Variants in IQSEC1 observed in about 807,000 individuals in gnomAD.
IQSEC1 encodes the protein IQ motif and SEC7 domain-containing protein 1.
Under a neutral mutation model 91.0 loss-of-function variants are expected in IQSEC1, and 31 were observed. The ratio of observed to expected loss-of-function variants is 0.34; its 90% confidence interval spans 0.26 to 0.46. The LOEUF is 0.46. IQSEC1 is among the 20% of genes least tolerant of loss of function. The probability of loss-of-function intolerance (pLI) is 1.00; values close to 1 mark genes in which losing one functional copy is unlikely to be tolerated. For missense variants in IQSEC1, 1,388 were observed against 1,575.6 expected, an observed-to-expected ratio of 0.88 and a Z score of 2.02; for synonymous variants, 699 against 662.6, an observed-to-expected ratio of 1.05 and a Z score of -0.84.
At chr3:13,233,171 A>G (rs1322173368) in intron 1 of IQSEC1, among the ~76,000 whole-genome samples, 1 of 152,234 alleles carries the variant, frequency 6.6e-6, no homozygotes, top group African/African-American at 2.4e-5. Flanking sequence ...GTGTCACGTG[A>G]GGTGCTCATT....
intron 2 of IQSEC1, among the ~76,000 whole-genome samples, chr3:12,938,143 G>T (rs1416887621): frequency 6.6e-6 from 1 of 152,230 alleles, no homozygotes; most frequent in South Asian, 2.1e-4. Flanking sequence ...CTGGGGTGGC[G>T]TGGGCATGTG....
At chr3:13,131,946 A>G (rs1706628137) in intron 2 of IQSEC1, among the ~76,000 whole-genome samples, 1 of 152,138 alleles carries the variant, frequency 6.6e-6, no homozygotes, top group African/African-American at 2.4e-5. Context: ...TATAATTGCT[A>G]TATTAGTGGG....
At chr3:13,158,789 C>T (rs1350955594) in intron 2 of IQSEC1, among the ~76,000 whole-genome samples, 1 of 152,062 alleles carries the variant, frequency 6.6e-6, no homozygotes, top group African/African-American at 2.4e-5. Context: ...TGACAAAACC[C>T]TGTCTCTACT....
intron 1 of IQSEC1, among the ~76,000 whole-genome samples, chr3:13,213,068 T>C (rs1216785226): frequency 6.6e-6 from 1 of 152,246 alleles, no homozygotes; most frequent in East Asian, 1.9e-4. Context: ...GGGTCCAATT[T>C]ATCTACTTCT....
At chr3:12,907,962 GTTCA>G (rs1247527911) in intron 12 of IQSEC1, among the ~76,000 whole-genome samples, 2 of 152,172 alleles carry the variant, frequency 1.3e-5, no homozygotes, top group African/African-American at 2.4e-5. Flanking sequence ...TTCCGCGCAA[GTTCA>G]TTCATCAGCA....
chr3:13,239,202 T>C (rs1694980193), intron 1 of IQSEC1, among the ~76,000 whole-genome samples: 4 of 152,238 alleles, frequency 2.6e-5, no homozygotes, highest in Admixed American at 2.6e-4. Context: ...GGGCTCCGGT[T>C]TATGCTGGCG....
chr3:13,026,125 T>A (rs532483597), intron 1 of IQSEC1, among the ~76,000 whole-genome samples: 1 of 152,296 alleles, frequency 6.6e-6, no homozygotes, highest in South Asian at 2.1e-4. Flanking sequence ...GAATGATAGG[T>A]CAGGGTACTC....
chr3:13,269,768 A>G (rs1285400204), intron 1 of IQSEC1, among the ~76,000 whole-genome samples: 1 of 152,288 alleles, frequency 6.6e-6, no homozygotes, highest in Non-Finnish European at 1.5e-5. Flanking sequence ...GAGAAGTGAC[A>G]GAGCCCAGTC....
intron 1 of IQSEC1, among the ~76,000 whole-genome samples, chr3:12,959,002 A>G (rs1468964800): frequency 2.6e-5 from 4 of 152,250 alleles, no homozygotes; most frequent in Non-Finnish European, 5.9e-5. Flanking sequence ...GTCATGGAAG[A>G]GAAGCCAATT....
rs569688626 is a variant in IQSEC1 at position 13,213,974 on chromosome 3, C to T, written c.273-49841G>A. Among the ~76,000 whole-genome samples, 2 of 152,268 alleles carry T rather than the reference C, an allele frequency of 1.3e-5. 1 individual carries two copies. Among genetic ancestry groups the T allele is most frequent in the South Asian group, 4.1e-4 (2 of 4,832 alleles). ...AGAAGTCCCATCTAGGGCCCTCTCCCAACCCCAACCTGGACCCATCGCTCT... is the reference window on the plus strand; with the variant it reads ...AGAAGTCCCATCTAGGGCCCTCTCCTAACCCCAACCTGGACCCATCGCTCT... On this transcript the variant is annotated intron_variant, in intron 1 of 15. Transcript: ENST00000648114.
chr3:13,208,440 G>A (rs1013967187), intron 1 of IQSEC1, among the ~76,000 whole-genome samples: 8 of 152,006 alleles, frequency 5.3e-5, no homozygotes, highest in Non-Finnish European at 7.4e-5. Context: ...GCCTCCTTCC[G>A]TCCCTCGTCC....
chr3:13,189,176 G>GCAGC (rs1049779186), intron 1 of IQSEC1, among the ~76,000 whole-genome samples: 4 of 152,178 alleles, frequency 2.6e-5, no homozygotes, highest in Non-Finnish European at 5.9e-5. Flanking sequence ...AAGGAACTTT[G>GCAGC]CAGCCACAGG....
chr3:12,991,928 C>T (rs1030333994), intron 1 of IQSEC1, among the ~76,000 whole-genome samples: 3 of 152,240 alleles, frequency 2.0e-5, no homozygotes, highest in Admixed American at 6.5e-5. Context: ...GGGCGGGCTG[C>T]CATGGGCCCT....
At chr3:13,108,407 CAT>C (rs747489766) in intron 2 of IQSEC1, among the ~76,000 whole-genome samples, 4 of 152,114 alleles carry the variant, frequency 2.6e-5, no homozygotes, top group African/African-American at 2.4e-5. Flanking sequence ...TGGGTGGAAA[CAT>C]GTGGCCATTT....
chr3:13,071,155 T>G (rs1282824217), intron 1 of IQSEC1, among the ~76,000 whole-genome samples: 3 of 118,162 alleles, frequency 2.5e-5, no homozygotes, highest in African/African-American at 6.2e-5. Context: ...TTTTTTTTGT[T>G]TTTTTTTTTT....
chr3:13,161,981 G>A (rs911572223), intron 2 of IQSEC1, among the ~76,000 whole-genome samples: 4 of 152,230 alleles, frequency 2.6e-5, no homozygotes, highest in South Asian at 2.1e-4. Context: ...CCGAAATGTC[G>A]TTCCCATCCT....
chr3:13,029,152 C>A (rs982794489), intron 1 of IQSEC1, among the ~76,000 whole-genome samples: 1 of 152,192 alleles, frequency 6.6e-6, no homozygotes, highest in Non-Finnish European at 1.5e-5. Context: ...TGGCTATGGC[C>A]GTCTTTAAAA....
rs775169070 is a variant in IQSEC1 at position 12,920,437 on chromosome 3, G to T, written c.2013C>A (p.Asn671Lys). The T allele has an allele frequency of 6.2e-7, 1 of 1,614,042 alleles. No homozygotes were observed. The change falls in exon 6 of 14, where the codon AAC (asparagine) becomes AAA (lysine). Residue 671 changes from asparagine (N) to lysine (K), a missense_variant. Asn to Lys is a moderately conservative substitution (Grantham distance 94). This residue lies in a region of IQSEC1 where 1,059 missense variants were observed against 1,317.8 expected (regional missense o/e 0.80). Transcript: ENST00000613206. ...CCGCCTGAGACAGCTCACCTCGGAG[G>T]TTCTTGATGAAGTCCTCTAGCTTCA... ...RKMKLEDFIK[N>K]LRGVDDGEDI...
At chr3:13,229,305 A>G (rs988428951) in intron 1 of IQSEC1, among the ~76,000 whole-genome samples, 3 of 152,210 alleles carry the variant, frequency 2.0e-5, no homozygotes, top group African/African-American at 7.2e-5. Context: ...ACATACTATG[A>G]TGACAGGGCC....
Sources: gnomAD v4.1 joint callset for allele counts (sites outside exome capture counted in the v4.1 genomes callset) on GRCh38, gnomAD v4.1.1 for gene constraint, gnomAD v4.1.1 regional missense constraint, MANE v1.5 for transcripts, NCBI Gene and HGNC (gene_info 2026-07-23, HGNC 2026-07-21) for gene names.